PDE7B: variants seen among roughly 807,000 people sequenced by gnomAD.
The protein encoded by PDE7B is phosphodiesterase 7B.
Under a neutral mutation model 56.2 loss-of-function variants are expected in PDE7B, and 29 were observed. The observed-to-expected ratio is 0.52, with a 90% CI of 0.38 to 0.70. The LOEUF (loss-of-function observed/expected upper bound fraction) is 0.70, where lower values mean the gene tolerates loss of function less well. PDE7B is among the 30% of genes least tolerant of loss of function. PDE7B has a pLI of 0.00. For missense variants in PDE7B, 490 were observed against 565.0 expected (o/e 0.87, Z 1.35); for synonymous variants, 197 against 196.9 (o/e 1.00, Z 0.00).
At chr6:136,142,546 T>G (rs9766459) in intron 3 of PDE7B, among the ~76,000 whole-genome samples, 4,991 of 152,224 alleles carry the variant, frequency 0.033, 283 homozygotes, top group African/African-American at 0.11. Context: ...ATGTTGACAG[T>G]GGGGTGTTAA....
chr6:135,928,916 A>G (rs1774248838), intron 1 of PDE7B, among the ~76,000 whole-genome samples: 1 of 152,162 alleles, frequency 6.6e-6, no homozygotes, highest in Non-Finnish European at 1.5e-5. Context: ...GCATCATGCA[A>G]ATTACCCATG....
At chr6:136,087,918 A>G (rs1401276157) in intron 2 of PDE7B, among the ~76,000 whole-genome samples, 1 of 152,208 alleles carries the variant, frequency 6.6e-6, no homozygotes, top group African/African-American at 2.4e-5. Flanking sequence ...TTAAATAAAT[A>G]AAATAAATAA....
chr6:135,854,996 G>C (rs1401537825), intron 1 of PDE7B, among the ~76,000 whole-genome samples: 1 of 152,102 alleles, frequency 6.6e-6, no homozygotes, highest in Non-Finnish European at 1.5e-5. Flanking sequence ...TGTGTACTTA[G>C]AGAGTGATTT....
At chr6:135,873,406 A>G (rs903960481) in intron 1 of PDE7B, among the ~76,000 whole-genome samples, 2 of 152,196 alleles carry the variant, frequency 1.3e-5, no homozygotes, top group African/African-American at 4.8e-5. Context: ...TTTTTCACTG[A>G]AATAATACGG....
At chr6:136,025,811 C>A (rs142479126) in intron 2 of PDE7B, among the ~76,000 whole-genome samples, 16 of 152,206 alleles carry the variant, frequency 1.1e-4, no homozygotes, top group Admixed American at 1.0e-3. Context: ...TAGGGCCAGA[C>A]TTGAATATCT....
intron 1 of PDE7B, among the ~76,000 whole-genome samples, chr6:135,888,284 G>A (rs1775745650): frequency 6.6e-6 from 1 of 152,116 alleles, no homozygotes; most frequent in Admixed American, 6.6e-5. Flanking sequence ...CACAATTAGT[G>A]TGACCTTCAG....
chr6:135,925,517 C>A (rs1774167839), intron 1 of PDE7B, among the ~76,000 whole-genome samples: 1 of 152,052 alleles, frequency 6.6e-6, no homozygotes, highest in African/African-American at 2.4e-5. Context: ...CTAGTGAAAT[C>A]AGTTTTTTGA....
At chr6:135,940,262 G>A (rs1774486088) in intron 1 of PDE7B, among the ~76,000 whole-genome samples, 1 of 152,140 alleles carries the variant, frequency 6.6e-6, no homozygotes, top group Admixed American at 6.5e-5. Flanking sequence ...TCCAGACTCA[G>A]GCCTGCGGTC....
chr6:135,940,286 C>T (rs1196790278), intron 1 of PDE7B, among the ~76,000 whole-genome samples: 1 of 152,158 alleles, frequency 6.6e-6, no homozygotes, highest in African/African-American at 2.4e-5. Flanking sequence ...TCTTTCAAAG[C>T]CTTCTCCAGT....
chr6:135,873,848 C>T (rs971829146), intron 1 of PDE7B, among the ~76,000 whole-genome samples: 4 of 151,996 alleles, frequency 2.6e-5, no homozygotes, highest in Admixed American at 2.6e-4. Context: ...TCCATGTATC[C>T]ACCACACAGA....
intron 1 of PDE7B, among the ~76,000 whole-genome samples, chr6:135,939,209 C>T (rs1384520351): frequency 6.6e-6 from 1 of 152,218 alleles, no homozygotes; most frequent in Admixed American, 6.5e-5. Context: ...CCTCAGGTTA[C>T]GTAGCCCACA....
chr6:135,868,775 G>C (rs752295356), intron 1 of PDE7B, among the ~76,000 whole-genome samples: 18 of 152,170 alleles, frequency 1.2e-4, no homozygotes, highest in Non-Finnish European at 2.5e-4. Flanking sequence ...GATGGTGCCT[G>C]TGCACTATTC....
At chr6:135,877,513 G>A (rs1307908541) in intron 1 of PDE7B, among the ~76,000 whole-genome samples, 2 of 151,910 alleles carry the variant, frequency 1.3e-5, no homozygotes, top group African/African-American at 4.8e-5. Flanking sequence ...CTGGAATGAT[G>A]ACCTTTTATT....
chr6:135,991,940 TG>T (rs1405676629), intron 2 of PDE7B: 1 of 152,230 alleles, frequency 6.6e-6, no homozygotes, highest in Admixed American at 6.5e-5. Context: ...TGAAGGTTTT[TG>T]GTTTGTTTTG....
intron 1 of PDE7B, among the ~76,000 whole-genome samples, chr6:135,911,741 C>G (rs1776215882): frequency 6.6e-6 from 1 of 152,078 alleles, no homozygotes; most frequent in Non-Finnish European, 1.5e-5. Flanking sequence ...CTACAAGTCT[C>G]TTGTAGATTT....
At chr6:135,932,321 C>A (rs1774308795) in intron 1 of PDE7B, among the ~76,000 whole-genome samples, 1 of 152,020 alleles carries the variant, frequency 6.6e-6, no homozygotes, top group Admixed American at 6.6e-5. Flanking sequence ...GGATTGTTTG[C>A]AACTCAATAG....
intron 2 of PDE7B, chr6:136,033,965 C>T (rs1342782268): frequency 6.6e-6 from 1 of 152,006 alleles, no homozygotes; most frequent in Admixed American, 6.5e-5. Flanking sequence ...AATAAACTCC[C>T]TCCATAGTTT....
At chr6:136,023,559 G>T (rs1334764506) in intron 2 of PDE7B, among the ~76,000 whole-genome samples, 1 of 152,126 alleles carries the variant, frequency 6.6e-6, no homozygotes, top group Non-Finnish European at 1.5e-5. Flanking sequence ...CATAATGATG[G>T]CTCCCTTCTG....
At chr6:136,144,315 T>G (rs999524445) in intron 3 of PDE7B, among the ~76,000 whole-genome samples, 3 of 152,162 alleles carry the variant, frequency 2.0e-5, no homozygotes, top group African/African-American at 7.2e-5. Context: ...ATTTGTTATA[T>G]TTTGCAATCT....
Sources: allele counts gnomAD v4.1 joint callset (sites outside exome capture counted in the v4.1 genomes callset), GRCh38; gene constraint gnomAD v4.1.1; transcripts MANE v1.5; gene names NCBI Gene and HGNC (gene_info 2026-07-23, HGNC 2026-07-21).